The following DISP3 variants were observed in gnomAD, a reference collection of about 807,000 sequenced individuals.
The protein encoded by DISP3 is protein dispatched homolog 3.
Under a neutral mutation model 135.3 loss-of-function variants are expected in DISP3, and 101 were observed. The observed-to-expected ratio is 0.75, with a 90% CI of 0.64 to 0.88. The LOEUF (loss-of-function observed/expected upper bound fraction) is 0.88, where lower values mean the gene tolerates loss of function less well. Among genes scored for constraint, DISP3 ranks in the 40% least tolerant of loss-of-function variants. DISP3 has a pLI of 0.00. For synonymous variants in DISP3, 856 were observed against 817.0 expected, an observed-to-expected ratio of 1.05 and a Z score of -0.81; for missense variants, 1,713 against 1,878.6, an observed-to-expected ratio of 0.91 and a Z score of 1.63.
intron 2 of DISP3, 38 bp downstream of exon 2, chr1:11,502,126 G>T: frequency 6.6e-7 from 1 of 1,522,844 alleles, no homozygotes; most frequent in South Asian, 1.3e-5. Flanking sequence ...CGTAGGTCCA[G>T]GTTTCATACA....
chr1:11,505,750 A>C (rs1413488392), intron 3 of DISP3, among the ~76,000 whole-genome samples: 1 of 152,218 alleles, frequency 6.6e-6, no homozygotes, highest in East Asian at 1.9e-4. Flanking sequence ...TGTTGCATGC[A>C]TTTTAATTCT....
intron 11 of DISP3, among the ~76,000 whole-genome samples, chr1:11,524,466 C>T (rs755106119): frequency 2.0e-5 from 3 of 152,030 alleles, no homozygotes; most frequent in Non-Finnish European, 4.4e-5. Context: ...ACTGTTGCCA[C>T]CTCTCTCCTA....
intron 10 of DISP3, among the ~76,000 whole-genome samples, chr1:11,523,230 A>C (rs1358719152): frequency 6.6e-6 from 1 of 151,976 alleles, no homozygotes; most frequent in Non-Finnish European, 1.5e-5. Flanking sequence ...TAGTTCTCTC[A>C]TTTCTAATTT....
intron 3 of DISP3, among the ~76,000 whole-genome samples, chr1:11,505,519 C>T (rs1280494372): frequency 1.3e-5 from 2 of 152,210 alleles, no homozygotes; most frequent in Non-Finnish European, 2.9e-5. Flanking sequence ...TGTTTTCTCC[C>T]ATTAGAGCGT....
chr1:11,531,159 G>C lies in DISP3; in HGVS notation c.3229+126G>C. ...TGGCATGTGGGGGTCTTTTGCAGAT[G>C]TGTATCTGTGCTGAGCATGTCCACA... is the stretch of plus-strand genomic sequence containing the variant. On this transcript the variant is annotated intron_variant, in intron 16 of 20. Transcript: ENST00000294484. The surrounding 1 kb of genome is among the most constrained non-coding windows in gnomAD (Gnocchi z 5.2). 1 of 1,441,532 alleles carries C rather than the reference G, an allele frequency of 6.9e-7. No homozygotes were observed. The highest frequency in any genetic ancestry group is 9.4e-7 in the Non-Finnish European group (1 of 1,063,530). The allele number at this position is 1,441,532 out of a possible 1,614,324, so 89.3% of individuals were successfully genotyped here. A position where few individuals can be genotyped will look rare whatever the true frequency, so the allele number is the denominator to read the frequency against.
chr1:11,494,026 A>G (rs1189723492), intron 1 of DISP3, among the ~76,000 whole-genome samples: 1 of 152,224 alleles, frequency 6.6e-6, no homozygotes, highest in East Asian at 1.9e-4. Flanking sequence ...AAGTACTGAC[A>G]TATCAGCTCT....
At chr1:11,493,706 A>G (rs1641250863) in intron 1 of DISP3, among the ~76,000 whole-genome samples, 1 of 151,950 alleles carries the variant, frequency 6.6e-6, no homozygotes, top group Non-Finnish European at 1.5e-5. Flanking sequence ...CCTGGGCAAC[A>G]GAGCAAGACT....
rs566931103 is a variant in DISP3, at chr1:11,491,848, C to T, written c.-3-9142C>T. On this transcript the variant is annotated intron_variant, in intron 1 of 20. Transcript: ENST00000294484. The surrounding 1 kb of genome is among the most constrained non-coding windows in gnomAD (Gnocchi z 4.3). ...GCTAAGAAGTTAATAATTGGCCGGG[C>T]GCGGTGGCTCACGCCTGTAATCCCA... 4.5e-4 allele frequency among the ~76,000 whole-genome samples: 69 copies of T among 152,132 alleles called. No homozygotes were observed. The highest frequency in any genetic ancestry group is 1.5e-3 in the African/African-American group (61 of 41,504).
intron 3 of DISP3, among the ~76,000 whole-genome samples, chr1:11,512,150 C>A (rs1641873089): frequency 6.6e-6 from 1 of 152,202 alleles, no homozygotes; most frequent in Non-Finnish European, 1.5e-5. Flanking sequence ...CTCTGAAATT[C>A]TCCATTGCAG....
rs555865726 is a variant in DISP3, at chr1:11,488,054, G to A, written c.-4+8682G>A. ...GGATAACACTCCACCATTGAGCAGG[G>A]TGGGGGTGTGAGGGAAGCAGTCTGA... On this transcript the variant is annotated intron_variant, in intron 1 of 20. Transcript: ENST00000294484. Among the ~76,000 whole-genome samples the A allele has an allele frequency of 2.0e-5, 3 of 152,308 alleles. No homozygotes were observed. In the East Asian group the frequency reaches 5.8e-4, roughly 29 times the overall value.
intron 5 of DISP3, 132 bp from the exon 6 acceptor site, chr1:11,515,869 G>A: frequency 9.1e-7 from 1 of 1,094,622 alleles, no homozygotes; most frequent in South Asian, 1.6e-5. Flanking sequence ...TCTCCAAACT[G>A]TAAGCTCAGA....
rs1454711809 is a variant in DISP3, at chr1:11,535,028, T to C, written c.3553T>C (p.Cys1185Arg). The part of the protein sequence containing the change: ...MEIVGVQSAL[C>R]GLVLSLLICV... ...CCTTGCAGGGGTGCAGAGCGCCCTG[T>C]GCGGCCTGGTGCTATCCCTGCTCAT... The change falls in exon 19 of 21, where the codon TGC (cysteine) becomes CGC (arginine). Residue 1185 changes from cysteine to arginine, a missense_variant. This residue lies in a region of DISP3 where 1,142 missense variants were observed against 1,384.6 expected (regional missense o/e 0.82). Coordinates refer to ENST00000294484, the MANE Select transcript of DISP3 (RefSeq NM_020780.2). 4 of 1,592,782 alleles carry C rather than the reference T, an allele frequency of 2.5e-6. No individual in the cohort carries two copies. The Admixed American group carries it at 7.0e-5, about 28-fold the overall frequency.
At chr1:11,482,010 G>GTGAA (rs1201315797) in intron 1 of DISP3, 2 of 152,174 alleles carry the variant, frequency 1.3e-5, no homozygotes, top group African/African-American at 2.4e-5. Flanking sequence ...TAGATGTGTG[G>GTGAA]TGAATGAATG....
intron 1 of DISP3, chr1:11,481,463 C>T (rs1420417560): frequency 1.3e-5 from 2 of 152,248 alleles, no homozygotes; most frequent in Non-Finnish European, 2.9e-5. Context: ...TAGCCATGAC[C>T]TGGCTTGCCC....
chr1:11,525,028 T>G, intron 11 of DISP3, 148 bp from the exon 12 acceptor site: 11 of 869,562 alleles, frequency 1.3e-5, no homozygotes, highest in East Asian at 3.1e-5. Flanking sequence ...CCTGGTCCAG[T>G]AGAGAGGGGC....
In DISP3 at chr1:11,536,682, TATA is replaced by T; in HGVS notation, c.4176_4178del (p.Ter1393delextTer26). 1 of 1,563,600 alleles carries T rather than the reference TATA, an allele frequency of 6.4e-7. No individual in the cohort carries two copies. The highest frequency in any genetic ancestry group is 1.4e-5 in the African/African-American group (1 of 73,482). ...ATTCCCCTGCCCGCAGGGGCCTCCC[TATA>T]GCCCGGGACGGGCTCTGGACACTTG... On this transcript the variant is annotated stop_lost and inframe_deletion, in exon 21 of 21. Coordinates refer to ENST00000294484, the MANE Select transcript of DISP3 (RefSeq NM_020780.2). The surrounding 1 kb of genome is among the most constrained non-coding windows in gnomAD (Gnocchi z 4.3).
chr1:11,519,674 G>A lies in DISP3; in HGVS notation c.2039-45G>A. The stretch of plus-strand genomic sequence containing the variant: ...CCTGGAAGCGAGCGTGGACCACAGT[G>A]GGCTTTGATTCAGGCTCTGACGGGC... On this transcript the variant is annotated intron_variant, in intron 8 of 20. Coordinates refer to ENST00000294484, the MANE Select transcript of DISP3 (RefSeq NM_020780.2). The surrounding 1 kb of genome is among the most constrained non-coding windows in gnomAD (Gnocchi z 4.3). 1 of 1,597,306 alleles carries A rather than the reference G, an allele frequency of 6.3e-7. No homozygotes were observed. The highest frequency in any genetic ancestry group is 8.5e-7 in the Non-Finnish European group (1 of 1,170,618).
chr1:11,490,173 T>G (rs1641144744), intron 1 of DISP3, among the ~76,000 whole-genome samples: 2 of 152,164 alleles, frequency 1.3e-5, no homozygotes, highest in East Asian at 3.8e-4. Flanking sequence ...CAGTGAGAGT[T>G]TCCAGGAACC....
In DISP3 at chr1:11,514,519, C is replaced by T. The variant is rs1641947834; in HGVS notation, c.1446C>T (p.Ser482=). Residue 482 remains serine, a synonymous_variant, in exon 4 of 21, where the codon TCC becomes TCT. Coordinates refer to ENST00000294484, the MANE Select transcript of DISP3 (RefSeq NM_020780.2). ...CIAALVYILT[S]CSVFLSFFGI... ...CTGCCCTGGTCTACATCCTCACCTC[C>T]TGCTCAGGTAGGGCTTCTCTCAAGC... 2 of 1,613,802 alleles carry T rather than the reference C, an allele frequency of 1.2e-6. No individual in the cohort carries two copies. Among genetic ancestry groups the T allele is most frequent in the Admixed American group, 3.3e-5 (2 of 60,024 alleles).
Sources: gnomAD v4.1 joint callset for allele counts (sites outside exome capture counted in the v4.1 genomes callset) on GRCh38, gnomAD v4.1.1 for gene constraint, gnomAD v4.1.1 regional missense constraint, Gnocchi (gnomAD v3.1) non-coding constraint, MANE v1.5 for transcripts, NCBI Gene and HGNC (gene_info 2026-07-23, HGNC 2026-07-21) for gene names.